Variants in ABCC9 observed in about 807,000 individuals in gnomAD.
ABCC9 encodes the protein ATP-binding cassette sub-family C member 9.
A neutral mutation model predicts 188.3 loss-of-function variants in ABCC9; 95 were observed. The ratio of observed to expected loss-of-function variants is 0.50; its 90% confidence interval spans 0.43 to 0.60. The LOEUF is 0.60. ABCC9 is among the 20% of genes least tolerant of loss of function. ABCC9 has a pLI of 0.00. For missense variants in ABCC9, 1,102 were observed against 1,876.3 expected (o/e 0.59, Z 7.62); for synonymous variants, 659 against 652.7 (o/e 1.01, Z -0.15).
chr12:21,894,636 G>T (rs182557819), intron 13 of ABCC9, among the ~76,000 whole-genome samples: 1 of 70,644 alleles, frequency 1.4e-5, no homozygotes, highest in Non-Finnish European at 3.1e-5. Context: ...TTGAGACACG[G>T]TATCACTTCA....
chr12:21,908,612 C>G (rs937745341), intron 10 of ABCC9, among the ~76,000 whole-genome samples: 1 of 151,884 alleles, frequency 6.6e-6, no homozygotes, highest in Admixed American at 6.6e-5. Flanking sequence ...TTTCTATATT[C>G]TCTTGGAATT....
chr12:21,923,031 A>T (rs1387639267), intron 5 of ABCC9: 1 of 151,320 alleles, frequency 6.6e-6, no homozygotes, highest in Non-Finnish European at 1.5e-5. Flanking sequence ...ATCTCTTGAG[A>T]AACAGAAAGT....
At chr12:21,893,996 C>T in intron 14 of ABCC9, 36 bp downstream of exon 14, 2 of 1,611,026 alleles carry the variant, frequency 1.2e-6, no homozygotes, top group Admixed American at 1.7e-5. Context: ...TTTCTATTAT[C>T]AATAAGCAAA....
At chr12:21,811,585 C>CA in intron 36 of ABCC9, among the ~76,000 whole-genome samples, 1 of 147,132 alleles carries the variant, frequency 6.8e-6, no homozygotes, top group East Asian at 2.0e-4. Flanking sequence ...CCCCCCCGCC[C>CA]TTTTTTTTTT....
chr12:21,870,834 A>G (rs1390513079), intron 18 of ABCC9, among the ~76,000 whole-genome samples: 2 of 152,228 alleles, frequency 1.3e-5, no homozygotes, highest in African/African-American at 2.4e-5. Context: ...AAGATACAAT[A>G]TAAATCGTAT....
At chr12:21,925,691 A>C in intron 5 of ABCC9, 2 of 621,774 alleles carry the variant, frequency 3.2e-6, no homozygotes, top group South Asian at 1.9e-5. Flanking sequence ...CCACCCCCCT[A>C]CACCACAGAG....
At chr12:21,894,761 C>G (rs940268511) in intron 13 of ABCC9, among the ~76,000 whole-genome samples, 1 of 152,092 alleles carries the variant, frequency 6.6e-6, no homozygotes, top group Admixed American at 6.6e-5. Flanking sequence ...CAGGCATGCG[C>G]CATCATGCTC....
chr12:21,828,589 T>G (rs928218073), intron 31 of ABCC9: 2 of 310,542 alleles, frequency 6.4e-6, no homozygotes, highest in Admixed American at 9.1e-5. Context: ...ACGTAGAAAG[T>G]TGCCATCCTT....
At chr12:21,888,968 T>C (rs1374311556) in intron 14 of ABCC9, among the ~76,000 whole-genome samples, 2 of 152,156 alleles carry the variant, frequency 1.3e-5, no homozygotes, top group Admixed American at 6.6e-5. Context: ...TTGCCTTTGA[T>C]AGGAAACTAG....
At chr12:21,908,925 C>G (rs1948179802) in intron 10 of ABCC9, among the ~76,000 whole-genome samples, 1 of 151,920 alleles carries the variant, frequency 6.6e-6, no homozygotes. Flanking sequence ...ATCCTAGTCT[C>G]TCTCTCTCTG....
At chr12:21,842,541 C>T (rs1944447735) in intron 28 of ABCC9, 70 bp from the exon 29 acceptor site, 1 of 1,488,326 alleles carries the variant, frequency 6.7e-7, no homozygotes, top group Non-Finnish European at 9.4e-7. Flanking sequence ...AACAAAAATA[C>T]CTATTTTTAT....
intron 34 of ABCC9, 28 bp from the exon 35 acceptor site, chr12:21,814,750 AAG>A (rs778231311): frequency 6.3e-7 from 1 of 1,594,594 alleles, no homozygotes; most frequent in East Asian, 2.2e-5. Flanking sequence ...ACTCAAAGAG[AAG>A]AGGACTCAGA....
intron 14 of ABCC9, among the ~76,000 whole-genome samples, chr12:21,888,987 T>A: frequency 6.6e-6 from 1 of 152,148 alleles, no homozygotes; most frequent in Non-Finnish European, 1.5e-5. Context: ...AGAAAATATA[T>A]GTATGAAATA....
Position 21,863,682 on chromosome 12 carries a change from C to T in ABCC9, c.2238-628G>A, listed in dbSNP as rs546731023. 2.6e-5 allele frequency among the ~76,000 whole-genome samples: 4 copies of T among 152,148 alleles called. No individual in the cohort carries two copies. The South Asian group carries it at 8.3e-4, about 32-fold the overall frequency. ...CCCCCCTTTTGACTTGCAAATTCTACCAGATGTCTATACATCAGACTTTAA... is the reference window on the plus strand; with the variant it reads ...CCCCCCTTTTGACTTGCAAATTCTATCAGATGTCTATACATCAGACTTTAA... On this transcript the variant is annotated intron_variant, in intron 19 of 39. Coordinates refer to ENST00000261200, the MANE Select transcript of ABCC9 (RefSeq NM_020297.4).
intron 18 of ABCC9, among the ~76,000 whole-genome samples, chr12:21,868,571 C>T (rs866425879): frequency 2.0e-5 from 3 of 152,110 alleles, no homozygotes; most frequent in South Asian, 2.1e-4. Context: ...CCCAGGAGGC[C>T]GAGCTTGCAG....
intron 16 of ABCC9, among the ~76,000 whole-genome samples, chr12:21,879,624 A>T (rs1565440100): frequency 1.3e-5 from 2 of 148,466 alleles, no homozygotes; most frequent in Non-Finnish European, 3.0e-5. Context: ...AATGAAAAGA[A>T]TTTTTTTTTT....
At chr12:21,849,822 T>C (rs1255420821) in intron 24 of ABCC9, among the ~76,000 whole-genome samples, 3 of 152,174 alleles carry the variant, frequency 2.0e-5, no homozygotes, top group Non-Finnish European at 4.4e-5. Context: ...AATACCAGTT[T>C]ATTCTGCTTA....
At chr12:21,934,532 G>A (rs1036917386) in intron 3 of ABCC9, among the ~76,000 whole-genome samples, 5 of 152,012 alleles carry the variant, frequency 3.3e-5, no homozygotes, top group African/African-American at 1.2e-4. Context: ...CCGTTAGCTT[G>A]CCACTGAAGA....
intron 2 of ABCC9, among the ~76,000 whole-genome samples, chr12:21,938,419 T>A (rs1264159514): frequency 6.6e-6 from 1 of 152,130 alleles, no homozygotes; most frequent in Non-Finnish European, 1.5e-5. Flanking sequence ...GGACTTGAAG[T>A]TTTTAAAAAA....
Sources: gnomAD v4.1 joint callset for allele counts (sites outside exome capture counted in the v4.1 genomes callset) on GRCh38, gnomAD v4.1.1 for gene constraint, MANE v1.5 for transcripts, NCBI Gene and HGNC (gene_info 2026-07-23, HGNC 2026-07-21) for gene names.